Variants in FXYD6 observed in about 807,000 individuals in gnomAD.
FXYD6 encodes the protein FXYD domain containing ion transport regulator 6.
Under a neutral mutation model 16.7 loss-of-function variants are expected in FXYD6, and 7 were observed. The observed-to-expected ratio is 0.42, with a 90% CI of 0.24 to 0.79. The LOEUF is 0.79. Among genes scored for constraint, FXYD6 ranks in the 30% least tolerant of loss-of-function variants. The pLI, the probability that FXYD6 is intolerant of heterozygous loss-of-function variation, is 0.28. For synonymous variants in FXYD6, 49 were observed against 43.0 expected (o/e 1.14, Z -0.54); for missense variants, 111 against 116.2 (o/e 0.95, Z 0.21).
chr11:117,847,762 CATT>C (rs2056507621), intron 1 of FXYD6, among the ~76,000 whole-genome samples: 1 of 152,126 alleles, frequency 6.6e-6, no homozygotes, highest in African/African-American at 2.4e-5. Flanking sequence ...TCCAGTCTAT[CATT>C]GTTGGATATT....
intron 1 of FXYD6, among the ~76,000 whole-genome samples, chr11:117,851,722 C>T (rs140000664): frequency 2.0e-3 from 305 of 152,274 alleles, no homozygotes; most frequent in African/African-American, 7.0e-3. Context: ...AAGATCTGTT[C>T]GTTAGAAACT....
intron 2 of FXYD6, 74 bp downstream of exon 2, chr11:117,842,645 C>T (rs1191843999): frequency 6.8e-7 from 1 of 1,480,378 alleles, no homozygotes; most frequent in Non-Finnish European, 9.2e-7. Context: ...TCCCAAGGGG[C>T]CCAGAACCTT....
At chr11:117,838,873 G>A (rs1330757346) in intron 7 of FXYD6, 3 of 155,046 alleles carry the variant, frequency 1.9e-5, no homozygotes, top group Non-Finnish European at 4.3e-5. Context: ...GTCAAAGCTG[G>A]TGCATCGGGC....
intron 7 of FXYD6, chr11:117,838,924 ATAAACT>A (rs2056268421): frequency 1.3e-5 from 2 of 154,986 alleles, no homozygotes. Flanking sequence ...ACAATGTGAG[ATAAACT>A]TATATACCTT....
At chr11:117,875,902 G>A (rs1031163744) in intron 1 of FXYD6, among the ~76,000 whole-genome samples, 7 of 152,200 alleles carry the variant, frequency 4.6e-5, no homozygotes, top group Non-Finnish European at 7.3e-5. Context: ...GGAAGCCCGG[G>A]AGACACAATA....
intron 1 of FXYD6, among the ~76,000 whole-genome samples, chr11:117,874,996 G>A (rs1269945040): frequency 6.6e-6 from 1 of 152,126 alleles, no homozygotes; most frequent in African/African-American, 2.4e-5. Context: ...GGCTTCCTGA[G>A]CCTCCATCTC....
chr11:117,859,404 C>G (rs1238908310), intron 1 of FXYD6, among the ~76,000 whole-genome samples: 1 of 152,188 alleles, frequency 6.6e-6, no homozygotes, highest in Non-Finnish European at 1.5e-5. Flanking sequence ...TCATAGGAGC[C>G]CTTCTATGGA....
chr11:117,842,857 CA>C lies in FXYD6; in HGVS notation c.-5-77del. ...CGTCAGCTCCAAGCGTCAGCCTGACCAGGGGCCAAGCCAAATCCCCAGCTTT... is the reference window on the plus strand; with the variant it reads ...CGTCAGCTCCAAGCGTCAGCCTGACCGGGGCCAAGCCAAATCCCCAGCTTT... On this transcript the variant is annotated intron_variant, in intron 1 of 7. Transcript: ENST00000526014. The C allele has an allele frequency of 1.0e-5, 15 of 1,490,880 alleles. No individual in the cohort carries two copies. The South Asian group carries it at 1.8e-4, about 18-fold the overall frequency. 92.4% of individuals were successfully genotyped at this position (1,490,880 alleles called of 1,614,324 possible).
intron 1 of FXYD6, among the ~76,000 whole-genome samples, chr11:117,845,091 C>T (rs143793711): frequency 4.7e-4 from 71 of 152,314 alleles, no homozygotes; most frequent in Non-Finnish European, 8.5e-4. Context: ...TCACCAATCT[C>T]GGGTTCCAAG....
chr11:117,847,340 AT>A (rs201066325), intron 1 of FXYD6, among the ~76,000 whole-genome samples: 11 of 150,606 alleles, frequency 7.3e-5, no homozygotes, highest in African/African-American at 2.2e-4. Flanking sequence ...GTTTATTTCT[AT>A]TTTTTTTTAG....
intron 1 of FXYD6, among the ~76,000 whole-genome samples, chr11:117,875,936 C>A (rs1490869838): frequency 6.6e-6 from 1 of 152,202 alleles, no homozygotes; most frequent in Non-Finnish European, 1.5e-5. Flanking sequence ...CAGGGCCAGC[C>A]CTGCTGGGGA....
At chr11:117,842,605 G>T in intron 2 of FXYD6, 114 bp downstream of exon 2, 1 of 1,074,320 alleles carries the variant, frequency 9.3e-7, no homozygotes. Flanking sequence ...GACTAGACAT[G>T]AAGAACGTGA....
In FXYD6 at chr11:117,839,577, G is replaced by A. The variant is rs761588591; in HGVS notation, c.*21+204C>T. ...CCCATTTCCTGGTGTTGGCATGCAT[G>A]TGTGTGGGACACTTCGGGTGTTTCT... On this transcript the variant is annotated intron_variant, in intron 7 of 7. Coordinates refer to ENST00000526014, the MANE Select transcript of FXYD6 (RefSeq NM_022003.4). The A allele has an allele frequency of 9.1e-6, 5 of 551,888 alleles. No individual in the cohort carries two copies. In the South Asian group the frequency reaches 1.2e-4, roughly 13 times the overall value. The allele number at this position is 551,888 out of a possible 1,614,324, so 34.2% of individuals were successfully genotyped here.
Position 117,837,873 on chromosome 11 carries a change from A to C in FXYD6, c.*426T>G. 2 of 309,258 alleles carry C rather than the reference A, an allele frequency of 6.5e-6. No homozygotes were observed. The highest frequency in any genetic ancestry group is 2.1e-5 in the African/African-American group (1 of 47,676). The allele number at this position is 309,258 out of a possible 1,614,324, so 19.2% of individuals were successfully genotyped here. ...GGGAGGGGGCTGGTCTCGGGCAACAAGCAGCCTCCTAGGAGCAGAAGGTGA... is the reference window on the plus strand; with the variant it reads ...GGGAGGGGGCTGGTCTCGGGCAACACGCAGCCTCCTAGGAGCAGAAGGTGA... On this transcript the variant is annotated 3_prime_UTR_variant, in exon 8 of 8. Coordinates refer to ENST00000526014, the MANE Select transcript of FXYD6 (RefSeq NM_022003.4). The surrounding 1 kb of genome is among the most constrained non-coding windows in gnomAD (Gnocchi z 4.4).
At position 117,841,254 on chromosome 11, in the gene FXYD6, G is replaced by T. The variant is rs1591551616; in HGVS notation, c.173-70C>A. 3 of 1,608,978 alleles carry T rather than the reference G, an allele frequency of 1.9e-6. No individual in the cohort carries two copies. In the East Asian group the frequency reaches 6.7e-5, roughly 36 times the overall value. ...CACAGCAGGGCCAAGGGTCTGTGCA[G>T]GTTGTGGGACTATGTAAATGGCACC... On this transcript the variant is annotated intron_variant, in intron 4 of 7. Coordinates refer to ENST00000526014, the MANE Select transcript of FXYD6 (RefSeq NM_022003.4).
At chr11:117,873,399 C>A (rs1591599606) in intron 1 of FXYD6, among the ~76,000 whole-genome samples, 2 of 152,360 alleles carry the variant, frequency 1.3e-5, no homozygotes, top group South Asian at 4.1e-4. Flanking sequence ...GGTCTAAAAT[C>A]CGAAAGGCTT....
In FXYD6 at chr11:117,851,204, T is replaced by A. The variant is rs2056603278; in HGVS notation, c.-5-8423A>T. 2.6e-5 allele frequency among the ~76,000 whole-genome samples: 4 copies of A among 152,324 alleles called. No homozygotes were observed. The South Asian group carries it at 8.3e-4, about 32-fold the overall frequency. ...CACACTGCACCAGGGTTGGTCTGTA[T>A]GACCAGGAAAATATGGCAGAAGTAA... On this transcript the variant is annotated intron_variant, in intron 1 of 7. Transcript: ENST00000526014.
intron 6 of FXYD6, 138 bp from the exon 7 acceptor site, chr11:117,839,968 G>T: frequency 8.8e-7 from 1 of 1,132,400 alleles, no homozygotes; most frequent in Non-Finnish European, 1.3e-6. Flanking sequence ...AGAACGATCT[G>T]GGTTCAATCC....
Position 117,839,494 on chromosome 11 carries a change from T to C in FXYD6, c.*21+287A>G, listed in dbSNP as rs1020551010. The C allele has an allele frequency of 3.5e-5, 15 of 430,482 alleles. 1 individual carries two copies. Among genetic ancestry groups the C allele is most frequent in the Middle Eastern group, 1.2e-3 (2 of 1,692 alleles). 26.7% of individuals were successfully genotyped at this position (430,482 alleles called of 1,614,324 possible). ...AGGAGCATTTCACTAACTCTAATTC[T>C]CCCATGTTGCACTTGGGATGACGCC... On this transcript the variant is annotated intron_variant, in intron 7 of 7. Transcript: ENST00000526014.
Sources: gnomAD v4.1 joint callset for allele counts (sites outside exome capture counted in the v4.1 genomes callset) on GRCh38, gnomAD v4.1.1 for gene constraint, Gnocchi (gnomAD v3.1) non-coding constraint, MANE v1.5 for transcripts, NCBI Gene and HGNC (gene_info 2026-07-23, HGNC 2026-07-21) for gene names.